KCNJ6: variants seen among roughly 807,000 people sequenced by gnomAD.
KCNJ6 encodes G protein-activated inward rectifier potassium channel 2.
Under a neutral mutation model 34.2 loss-of-function variants are expected in KCNJ6, and 9 were observed. The observed-to-expected ratio is 0.26, with a 90% CI of 0.16 to 0.46. The LOEUF (loss-of-function observed/expected upper bound fraction) is 0.46, where lower values mean the gene tolerates loss of function less well. Among genes scored for constraint, KCNJ6 ranks in the 20% least tolerant of loss-of-function variants. KCNJ6 has a pLI of 1.00. For synonymous variants in KCNJ6, 196 were observed against 207.1 expected, an observed-to-expected ratio of 0.95 and a Z score of 0.46; for missense variants, 236 against 531.3, an observed-to-expected ratio of 0.44 and a Z score of 5.46.
At chr21:37,875,441 G>A (rs2055673243) in intron 1 of KCNJ6, among the ~76,000 whole-genome samples, 1 of 152,094 alleles carries the variant, frequency 6.6e-6, no homozygotes, top group Non-Finnish European at 1.5e-5. Context: ...CCAACCTGGA[G>A]AGCCAGAGGT....
chr21:37,826,047 A>C (rs1362586097), intron 2 of KCNJ6, among the ~76,000 whole-genome samples: 1 of 151,854 alleles, frequency 6.6e-6, no homozygotes, highest in Admixed American at 6.6e-5. Context: ...TGCACCCCTA[A>C]CTTGCAGCAC....
chr21:37,755,794 C>T (rs2055021302), intron 2 of KCNJ6, among the ~76,000 whole-genome samples: 1 of 152,320 alleles, frequency 6.6e-6, no homozygotes, highest in East Asian at 1.9e-4. Context: ...GGGTGCGGTA[C>T]AGGCAGCAGG....
At chr21:37,904,966 C>T (rs959544052) in intron 1 of KCNJ6, among the ~76,000 whole-genome samples, 2 of 152,218 alleles carry the variant, frequency 1.3e-5, no homozygotes, top group African/African-American at 4.8e-5. Flanking sequence ...CTGGCTGCTG[C>T]AGCAGCTCAC....
intron 1 of KCNJ6, among the ~76,000 whole-genome samples, chr21:37,877,860 C>CT (rs2055686612): frequency 6.6e-6 from 1 of 152,196 alleles, no homozygotes; most frequent in African/African-American, 2.4e-5. Flanking sequence ...TTGTCTGTCT[C>CT]TTTTTCTGGC....
intron 3 of KCNJ6, among the ~76,000 whole-genome samples, chr21:37,678,387 G>A (rs2054576465): frequency 6.6e-6 from 1 of 152,216 alleles, no homozygotes; most frequent in African/African-American, 2.4e-5. Flanking sequence ...GGTCGGTGCT[G>A]TTTTAGAGAG....
chr21:37,895,542 T>C (rs569498280), intron 1 of KCNJ6, among the ~76,000 whole-genome samples: 8 of 152,300 alleles, frequency 5.3e-5, no homozygotes, highest in East Asian at 1.9e-4. Flanking sequence ...ACTGACCCCA[T>C]AGAGGTCATT....
At chr21:37,686,651 G>T (rs1429329394) in intron 3 of KCNJ6, among the ~76,000 whole-genome samples, 1 of 151,822 alleles carries the variant, frequency 6.6e-6, no homozygotes, top group Non-Finnish European at 1.5e-5. Flanking sequence ...TATTTTTGTA[G>T]AGACGGGGTT....
At chr21:37,687,039 T>C (rs1157267360) in intron 3 of KCNJ6, among the ~76,000 whole-genome samples, 1 of 152,062 alleles carries the variant, frequency 6.6e-6, no homozygotes, top group Admixed American at 6.5e-5. Flanking sequence ...AGTGGTTAAG[T>C]GATTCATGAT....
At chr21:37,834,647 TTTAA>T (rs1247888302) in intron 2 of KCNJ6, among the ~76,000 whole-genome samples, 1 of 152,238 alleles carries the variant, frequency 6.6e-6, no homozygotes, top group Non-Finnish European at 1.5e-5. Flanking sequence ...ACCACTCTGC[TTTAA>T]TTGAGCTAAT....
At chr21:37,625,813 G>A (rs552259785) in intron 3 of KCNJ6, among the ~76,000 whole-genome samples, 1 of 152,244 alleles carries the variant, frequency 6.6e-6, no homozygotes, top group Admixed American at 6.5e-5. Context: ...GGTCCACTCT[G>A]CTCTGGGAGA....
chr21:37,879,223 G>A (rs1456117831), intron 1 of KCNJ6, among the ~76,000 whole-genome samples: 1 of 152,124 alleles, frequency 6.6e-6, no homozygotes, highest in Non-Finnish European at 1.5e-5. Context: ...GGCCATGGCA[G>A]GTTTATGACT....
chr21:37,734,530 C>T (rs1031070693), intron 2 of KCNJ6, among the ~76,000 whole-genome samples: 3 of 152,146 alleles, frequency 2.0e-5, no homozygotes, highest in Admixed American at 6.5e-5. Context: ...TTGTGGTGTA[C>T]AAGCTCCCAC....
intron 2 of KCNJ6, among the ~76,000 whole-genome samples, chr21:37,819,246 GA>G (rs11300688): frequency 0.36 from 54,234 of 148,714 alleles, 10,168 homozygotes; most frequent in South Asian, 0.41. Flanking sequence ...AATGCTCTGG[GA>G]AAAAAAAAAA....
chr21:37,859,660 T>A (rs1051836404), intron 1 of KCNJ6, among the ~76,000 whole-genome samples: 6 of 151,382 alleles, frequency 4.0e-5, no homozygotes, highest in Non-Finnish European at 8.8e-5. Context: ...GATAAAGTGA[T>A]GATTGCTATC....
chr21:37,826,794 G>A (rs1254863587), intron 2 of KCNJ6, among the ~76,000 whole-genome samples: 1 of 152,092 alleles, frequency 6.6e-6, no homozygotes, highest in East Asian at 1.9e-4. Context: ...GATTAGAGAT[G>A]GGTCTGAAAC....
chr21:37,705,605 T>C (rs1387820408), intron 3 of KCNJ6, among the ~76,000 whole-genome samples: 1 of 152,176 alleles, frequency 6.6e-6, no homozygotes, highest in African/African-American at 2.4e-5. Context: ...AATCTTTTTG[T>C]AGGTACAAGT....
chr21:37,636,422 G>A (rs1033086248), intron 3 of KCNJ6, among the ~76,000 whole-genome samples: 14 of 152,330 alleles, frequency 9.2e-5, no homozygotes, highest in African/African-American at 2.4e-4. Flanking sequence ...GCGTGTGTGC[G>A]TAGCTTTTAA....
intron 2 of KCNJ6, among the ~76,000 whole-genome samples, chr21:37,806,776 T>C (rs1360924207): frequency 6.6e-6 from 1 of 152,244 alleles, no homozygotes; most frequent in Non-Finnish European, 1.5e-5. Flanking sequence ...GTATTTTTGC[T>C]CTTTTGAGAG....
chr21:37,804,343 C>G (rs552628041), intron 2 of KCNJ6, among the ~76,000 whole-genome samples: 1 of 152,172 alleles, frequency 6.6e-6, no homozygotes, highest in South Asian at 2.1e-4. Flanking sequence ...GTGCATACCC[C>G]CCAAAATTAA....
Sources: gnomAD v4.1 joint callset for allele counts (sites outside exome capture counted in the v4.1 genomes callset) on GRCh38, gnomAD v4.1.1 for gene constraint, MANE v1.5 for transcripts, NCBI Gene and HGNC (gene_info 2026-07-23, HGNC 2026-07-21) for gene names.